Variants in ASAP3 observed in about 807,000 individuals in gnomAD.
ASAP3 encodes ArfGAP with SH3 domain, ankyrin repeat and PH domain 3.
A neutral mutation model predicts 118.2 loss-of-function variants in ASAP3; 85 were observed. That is an observed-to-expected ratio of 0.72 (90% CI 0.60 to 0.86). The LOEUF (loss-of-function observed/expected upper bound fraction) is 0.86. Ranked by LOEUF, ASAP3 falls within the 40% of genes least tolerant of loss-of-function variation. ASAP3 has a pLI of 0.00. For missense variants in ASAP3, 1,026 were observed against 1,175.0 expected (o/e 0.87, Z 1.85); for synonymous variants, 432 against 477.4 (o/e 0.90, Z 1.24).
chr1:23,439,021 G>A (rs1333000258), intron 11 of ASAP3, 140 bp downstream of exon 11: 6 of 1,168,214 alleles, frequency 5.1e-6, no homozygotes, highest in Non-Finnish European at 7.4e-6. Flanking sequence ...GGTCCCATCT[G>A]TCCTCCCAAA....
intron 10 of ASAP3, 152 bp from the exon 11 acceptor site, chr1:23,439,382 C>T: frequency 4.4e-6 from 3 of 683,396 alleles, no homozygotes; most frequent in Non-Finnish European, 7.6e-6. Context: ...CCCCTGACCC[C>T]TGACTCTCTG....
At chr1:23,445,658 T>C (rs1413999814) in intron 5 of ASAP3, among the ~76,000 whole-genome samples, 1 of 152,140 alleles carries the variant, frequency 6.6e-6, no homozygotes, top group Admixed American at 6.5e-5. Context: ...TGGCGATATA[T>C]AGAAATATCA....
At chr1:23,448,702 A>C (rs1032958822) in intron 5 of ASAP3, among the ~76,000 whole-genome samples, 1 of 152,168 alleles carries the variant, frequency 6.6e-6, no homozygotes, top group Non-Finnish European at 1.5e-5. Flanking sequence ...CCTGAGCCCA[A>C]GTGATCCTCC....
chr1:23,441,199 G>T lies in ASAP3; in HGVS notation c.847C>A (p.Arg283=). ...QLESREEHLS[R]KNSGCGYSIH... ...CTATAGCCACATCCTGAGTTCTTCC[G>T]GCTCAGGTGTTCCTGTCCCTCGGAC... Residue 283 remains arginine (R), a synonymous_variant, in exon 10 of 25, where the codon CGG becomes AGG. Coordinates refer to ENST00000336689, the MANE Select transcript of ASAP3 (RefSeq NM_017707.4). The T allele has an allele frequency of 6.2e-7, 1 of 1,614,120 alleles. No homozygotes were observed. Among genetic ancestry groups the T allele is most frequent in the Non-Finnish European group, 8.5e-7 (1 of 1,180,016 alleles).
chr1:23,437,345 TG>T lies in ASAP3; in HGVS notation c.1152-26del. On this transcript the variant is annotated intron_variant, in intron 13 of 24. Coordinates refer to ENST00000336689, the MANE Select transcript of ASAP3 (RefSeq NM_017707.4). The surrounding 1 kb of genome is among the most constrained non-coding windows in gnomAD (Gnocchi z 6.1). The stretch of plus-strand genomic sequence containing the variant: ...CCTGCGGAGATTGAACGGGGTGGGA[TG>T]GGGATGTCAAGTGGGAAGAGATAGG... 1 of 1,608,978 alleles carries T rather than the reference TG, an allele frequency of 6.2e-7. No individual in the cohort carries two copies. The highest frequency in any genetic ancestry group is 8.5e-7 in the Non-Finnish European group (1 of 1,176,802).
chr1:23,466,862 C>CATT (rs907432216), intron 1 of ASAP3, among the ~76,000 whole-genome samples: 133 of 151,880 alleles, frequency 8.8e-4, no homozygotes, highest in African/African-American at 2.5e-3. Flanking sequence ...CCATTACAGC[C>CATT]ATTATTATTA....
At chr1:23,447,025 TCACAA>T (rs1641068008) in intron 5 of ASAP3, among the ~76,000 whole-genome samples, 2 of 152,146 alleles carry the variant, frequency 1.3e-5, no homozygotes, top group African/African-American at 4.8e-5. Flanking sequence ...CATGTGAAGC[TCACAA>T]TAGGGTTCGT....
chr1:23,442,996 G>C (rs747227143), intron 5 of ASAP3, among the ~76,000 whole-genome samples: 1 of 152,190 alleles, frequency 6.6e-6, no homozygotes, highest in Non-Finnish European at 1.5e-5. Flanking sequence ...GCTGGTGCCA[G>C]CTAAGGTAAG....
At chr1:23,463,605 TA>T (rs1308939804) in intron 1 of ASAP3, among the ~76,000 whole-genome samples, 1 of 152,206 alleles carries the variant, frequency 6.6e-6, no homozygotes, top group African/African-American at 2.4e-5. Context: ...TTTATTTTTT[TA>T]TTTTTTTATT....
At chr1:23,444,490 C>T (rs1640984332) in intron 5 of ASAP3, among the ~76,000 whole-genome samples, 1 of 152,244 alleles carries the variant, frequency 6.6e-6, no homozygotes, top group Admixed American at 6.5e-5. Context: ...AACTCTGCTG[C>T]TTGCTGGCTG....
chr1:23,481,503 G>A (rs1433162599), intron 1 of ASAP3, among the ~76,000 whole-genome samples: 1 of 152,210 alleles, frequency 6.6e-6, no homozygotes, highest in Non-Finnish European at 1.5e-5. Flanking sequence ...CTAATCCAAA[G>A]TTCAGACTCT....
intron 1 of ASAP3, among the ~76,000 whole-genome samples, chr1:23,476,293 C>A (rs1286386145): frequency 6.6e-6 from 1 of 151,790 alleles, no homozygotes; most frequent in Non-Finnish European, 1.5e-5. Flanking sequence ...TTGCAGTAAG[C>A]CGAGATGGTG....
intron 5 of ASAP3, among the ~76,000 whole-genome samples, chr1:23,445,790 T>G (rs1437347405): frequency 6.6e-6 from 1 of 151,844 alleles, no homozygotes; most frequent in Non-Finnish European, 1.5e-5. Context: ...CTAGGCAACA[T>G]AGCAAGACCC....
At position 23,437,505 on chromosome 1, in the gene ASAP3, G is replaced by T. The variant is rs1209616492; in HGVS notation, c.1103-33C>A. ...GAGAGAAGGGGGCTTCTGACCCACA[G>T]AAATGCTGCTGGCCTTCCCGGAGCC... is the stretch of plus-strand genomic sequence containing the variant. On this transcript the variant is annotated intron_variant, in intron 12 of 24. Transcript: ENST00000336689. This position sits in a 1 kb window ranked among gnomAD's most constrained non-coding sequence, Gnocchi z 6.1. The T allele has an allele frequency of 6.2e-7, 1 of 1,613,368 alleles. No homozygotes were observed. Among genetic ancestry groups the T allele is most frequent in the South Asian group, 1.1e-5 (1 of 90,994 alleles).
Position 23,455,365 on chromosome 1 carries a change from G to A in ASAP3, c.348+516C>T, listed in dbSNP as rs371052252. Among the ~76,000 whole-genome samples, 11 of 152,198 alleles carry A rather than the reference G, an allele frequency of 7.2e-5. No homozygotes were observed. In the East Asian group the frequency reaches 7.7e-4, roughly 11 times the overall value. ...GGAGGCAGTCACCAAGGAGGCCATCGGGAAGCAACCCGAGGCCACTGGGCC... is the reference window on the plus strand; with the variant it reads ...GGAGGCAGTCACCAAGGAGGCCATCAGGAAGCAACCCGAGGCCACTGGGCC... On this transcript the variant is annotated intron_variant, in intron 3 of 24. Coordinates refer to ENST00000336689, the MANE Select transcript of ASAP3 (RefSeq NM_017707.4).
In ASAP3 at chr1:23,455,979, C is replaced by G. The variant is rs985873101; in HGVS notation, c.250G>C (p.Gly84Arg). The G allele has an allele frequency of 6.2e-6, 10 of 1,614,008 alleles. No individual in the cohort carries two copies. Among genetic ancestry groups the G allele is most frequent in the Non-Finnish European group, 8.5e-6 (10 of 1,180,032 alleles). The change falls in exon 3 of 25, where the codon GGC becomes CGC. Residue 84 changes from glycine to arginine, a missense_variant. Transcript: ENST00000336689. ...CTGTTCTGGGACAGGTGGCTGTTGC[C>G]TAAGGATTCCACGGCCTCTCGGTAC... ...EQYREAVESL[G>R]NSHLSQNSHE...
chr1:23,454,859 T>TGGG (rs1641333691), intron 3 of ASAP3, among the ~76,000 whole-genome samples: 1 of 152,196 alleles, frequency 6.6e-6, no homozygotes. Flanking sequence ...ATGAGAGACC[T>TGGG]GGGGCTTGGG....
intron 3 of ASAP3, 152 bp from the exon 4 acceptor site, chr1:23,452,923 A>C: frequency 1.4e-6 from 1 of 734,834 alleles, no homozygotes; most frequent in Non-Finnish European, 2.3e-6. Context: ...ATGACAGCCA[A>C]GTAAGGGGGA....
At chr1:23,431,184 G>C in intron 23 of ASAP3, 59 bp from the exon 24 acceptor site, 1 of 1,521,776 alleles carries the variant, frequency 6.6e-7, no homozygotes, top group Non-Finnish European at 8.9e-7. Context: ...TCAGAGTGGG[G>C]AGAAAGGGCT....
Sources: allele counts gnomAD v4.1 joint callset (sites outside exome capture counted in the v4.1 genomes callset), GRCh38; gene constraint gnomAD v4.1.1; non-coding constraint Gnocchi (gnomAD v3.1); transcripts MANE v1.5; gene names NCBI Gene and HGNC (gene_info 2026-07-23, HGNC 2026-07-21).